Variants in CEP63 observed in about 807,000 individuals in gnomAD.
The protein encoded by CEP63 is centrosomal protein of 63 kDa.
A neutral mutation model predicts 89.1 loss-of-function variants in CEP63; 84 were observed. That is an observed-to-expected ratio of 0.94 (90% CI 0.79 to 1.13). The LOEUF (loss-of-function observed/expected upper bound fraction) is 1.13. Among genes scored for constraint, CEP63 ranks in the 50% most tolerant of loss-of-function variants. CEP63 has a pLI of 0.00. For synonymous variants in CEP63, 267 were observed against 272.5 expected, an observed-to-expected ratio of 0.98 and a Z score of 0.20; for missense variants, 838 against 813.3, an observed-to-expected ratio of 1.03 and a Z score of -0.37.
the CEP63 span, among the ~76,000 whole-genome samples, chr3:134,761,755 C>G: frequency 7.1e-3 from 1,078 of 152,078 alleles, 13 homozygotes; most frequent in African/African-American, 0.024. Context: ...CTCTCTCCCC[C>G]CTGAATGTCA....
chr3:134,529,959 C>T (rs9869981), intron 3 of CEP63, among the ~76,000 whole-genome samples: 98,925 of 149,864 alleles, frequency 0.66, 33,023 homozygotes, highest in East Asian at 0.81. Context: ...CTGCAAGCTC[C>T]GTCCTCTGGG....
the CEP63 span, among the ~76,000 whole-genome samples, chr3:134,678,339 C>T: frequency 4.6e-5 from 7 of 152,196 alleles, no homozygotes; most frequent in African/African-American, 1.7e-4. Context: ...TGTACCCCCA[C>T]CCAGGCCAGG....
the CEP63 span, chr3:134,619,150 G>A: frequency 1.2e-5 from 19 of 1,612,734 alleles, no homozygotes; most frequent in Non-Finnish European, 1.6e-5. Flanking sequence ...TCTCGTACCT[G>A]CACATTCTCT....
At chr3:134,693,302 A>G in the CEP63 span, among the ~76,000 whole-genome samples, 4 of 152,328 alleles carry the variant, frequency 2.6e-5, no homozygotes, top group East Asian at 1.9e-4. Flanking sequence ...ATGGAGTTCC[A>G]GAGTCATCTT....
chr3:134,657,873 A>G, the CEP63 span, among the ~76,000 whole-genome samples: 1 of 152,130 alleles, frequency 6.6e-6, no homozygotes, highest in Non-Finnish European at 1.5e-5. Context: ...GATAATTGAT[A>G]TATGGTAACC....
the CEP63 span, among the ~76,000 whole-genome samples, chr3:134,678,471 C>T: frequency 1.3e-5 from 2 of 152,152 alleles, no homozygotes; most frequent in African/African-American, 4.8e-5. Context: ...GTGCATGTTC[C>T]TGGTGCCTAG....
the CEP63 span, among the ~76,000 whole-genome samples, chr3:134,692,296 T>C: frequency 1.3e-5 from 2 of 151,782 alleles, no homozygotes; most frequent in Non-Finnish European, 2.9e-5. Context: ...TGTGTGATGT[T>C]CCCCTTCCTG....
At chr3:134,642,938 G>A in the CEP63 span, among the ~76,000 whole-genome samples, 1 of 152,188 alleles carries the variant, frequency 6.6e-6, no homozygotes, top group African/African-American at 2.4e-5. Flanking sequence ...TGTCAAACAG[G>A]GTTGCTGTGA....
chr3:134,651,239 C>T, the CEP63 span: 2 of 1,245,650 alleles, frequency 1.6e-6, no homozygotes, highest in East Asian at 9.0e-5. Context: ...GGGCCATAGT[C>T]AGCAGGGGCG....
intron 10 of CEP63, among the ~76,000 whole-genome samples, chr3:134,587,369 T>A (rs1958506639): frequency 6.6e-6 from 1 of 152,210 alleles, no homozygotes; most frequent in Non-Finnish European, 1.5e-5. Context: ...GACCTACATA[T>A]GGGGTTTTGG....
intron 3 of CEP63, among the ~76,000 whole-genome samples, chr3:134,519,227 G>A (rs955771715): frequency 1.4e-4 from 21 of 151,948 alleles, no homozygotes; most frequent in Non-Finnish European, 2.1e-4. Context: ...GGGTTCAAGC[G>A]ATTCTCCTGC....
the CEP63 span, among the ~76,000 whole-genome samples, chr3:134,620,523 A>C: frequency 6.6e-6 from 1 of 152,212 alleles, no homozygotes; most frequent in African/African-American, 2.4e-5. Flanking sequence ...GGTTATGGGC[A>C]GAAGGCTGCA....
chr3:134,487,192 G>A (rs1203990913), intron 1 of CEP63, among the ~76,000 whole-genome samples: 1 of 152,160 alleles, frequency 6.6e-6, no homozygotes, highest in Admixed American at 6.5e-5. Flanking sequence ...CATAAGGATC[G>A]TTGATTAGAT....
At chr3:134,745,919 C>CT in the CEP63 span, among the ~76,000 whole-genome samples, 248 of 137,602 alleles carry the variant, frequency 1.8e-3, no homozygotes, top group Middle Eastern at 9.9e-3. Context: ...ATTTTCTTTT[C>CT]TTTTTTTTTT....
rs550112549 is a variant in CEP63, at chr3:134,499,248, C to T, written c.44+3884C>T. On this transcript the variant is annotated intron_variant, in intron 2 of 14. Coordinates refer to ENST00000675561, the MANE Select transcript of CEP63 (RefSeq NM_001353108.3). ...GTCTTTTCAGGTTTTCTAATTCTTC[C>T]GAGTTCAATCTTGGTAGGAATTTAT... is the stretch of plus-strand genomic sequence containing the variant. Among the ~76,000 whole-genome samples the T allele has an allele frequency of 9.3e-4, 141 of 152,148 alleles. 2 individuals are homozygous for T. Among genetic ancestry groups the T allele is most frequent in the East Asian group, 3.9e-4 (2 of 5,182 alleles).
the CEP63 span, chr3:134,602,990 T>G: frequency 4.6e-5 from 7 of 152,234 alleles, no homozygotes; most frequent in African/African-American, 1.7e-4. Context: ...ACCCTTTTTC[T>G]TGGGCTCTTG....
chr3:134,746,591 C>A, the CEP63 span, among the ~76,000 whole-genome samples: 1 of 152,178 alleles, frequency 6.6e-6, no homozygotes, highest in African/African-American at 2.4e-5. Flanking sequence ...CTGTTGTTTC[C>A]TGACTTTTTA....
chr3:134,547,614 C>CTTTTTTTCTTTTTTTTTTTTTTTTTTT (rs1953751201), intron 9 of CEP63, 142 bp downstream of exon 9: 1 of 224,274 alleles, frequency 4.5e-6, no homozygotes, highest in Non-Finnish European at 8.0e-6. Flanking sequence ...GTTCTTATTT[C>CTTTTTTTCTTTTTTTTTTTTTTTTTTT]TTTTTTTTTT....
chr3:134,717,834 G>A, the CEP63 span, among the ~76,000 whole-genome samples: 9 of 152,210 alleles, frequency 5.9e-5, no homozygotes, highest in Middle Eastern at 3.4e-3. Flanking sequence ...CTCTTTCACC[G>A]CACCTTGCTG....
Sources: allele counts gnomAD v4.1 joint callset (sites outside exome capture counted in the v4.1 genomes callset), GRCh38; gene constraint gnomAD v4.1.1; transcripts MANE v1.5; gene names NCBI Gene and HGNC (gene_info 2026-07-23, HGNC 2026-07-21).